SEL1L: variants seen among roughly 807,000 people sequenced by gnomAD.
The protein encoded by SEL1L is protein sel-1 homolog 1.
In SEL1L, 52 loss-of-function variants were observed where a neutral mutation model predicts 109.8. That is an observed-to-expected ratio of 0.47 (90% confidence interval 0.38 to 0.60). SEL1L has a LOEUF of 0.60. Among genes scored for constraint, SEL1L ranks in the 20% least tolerant of loss-of-function variants. The pLI, the probability that SEL1L is intolerant of heterozygous loss-of-function variation, is 0.00. For missense variants in SEL1L, 749 were observed against 962.2 expected, an observed-to-expected ratio of 0.78 and a Z score of 2.93; for synonymous variants, 373 against 339.6, an observed-to-expected ratio of 1.10 and a Z score of -1.08.
chr14:81,491,193 C>T (rs1360659829), intron 12 of SEL1L, among the ~76,000 whole-genome samples: 3 of 152,180 alleles, frequency 2.0e-5, no homozygotes, highest in Non-Finnish European at 4.4e-5. Context: ...TCTTTCTCCT[C>T]TACCACTACT....
chr14:81,495,998 G>A (rs1051893209), intron 10 of SEL1L, among the ~76,000 whole-genome samples: 2 of 152,024 alleles, frequency 1.3e-5, no homozygotes, highest in East Asian at 3.9e-4. Context: ...TGCTAAAGTG[G>A]AAGTGAAATA....
chr14:81,477,250 T>C (rs1903191721), intron 20 of SEL1L, 69 bp from the exon 21 acceptor site: 3 of 1,239,818 alleles, frequency 2.4e-6, no homozygotes, highest in East Asian at 4.9e-5. Flanking sequence ...GAAAGTTACA[T>C]CACCAGAAGT....
At chr14:81,496,619 T>G (rs916807285) in intron 10 of SEL1L, among the ~76,000 whole-genome samples, 1 of 151,994 alleles carries the variant, frequency 6.6e-6, no homozygotes, top group African/African-American at 2.4e-5. Flanking sequence ...CATGCCTGCA[T>G]TCCCAGCTAC....
intron 3 of SEL1L, among the ~76,000 whole-genome samples, chr14:81,516,322 G>A (rs556524622): frequency 3.9e-5 from 6 of 152,166 alleles, no homozygotes; most frequent in Non-Finnish European, 4.4e-5. Context: ...CTCAAGGACC[G>A]TTACCAACCG....
At position 81,477,095 on chromosome 14, in the gene SEL1L, C is replaced by A. The variant is rs1358844975; in HGVS notation, c.2262G>T (p.Leu754=). The A allele has an allele frequency of 1.4e-5, 23 of 1,614,068 alleles. No individual in the cohort carries two copies. The highest frequency in any genetic ancestry group is 2.7e-5 in the African/African-American group (2 of 74,920). The stretch of plus-strand genomic sequence containing the variant: ...GCCTGTAAGCTATGACTGTTCCCAA[C>A]AGCAGCGCAATGATGGTCATGAGGT... The part of the protein sequence containing the change: ...DLYLMTIIAL[L]LGTVIAYRQR... The change falls in exon 21 of 21, where the codon CTG becomes CTT. Residue 754 remains leucine, a synonymous_variant. Transcript: ENST00000336735.
In SEL1L at chr14:81,484,635, T is replaced by C. The variant is rs1183663517; in HGVS notation, c.1874-238A>G. ...AGAGAGGTAAAACCAAGTTGGTGTGTGTGTAGGGGGACAGGTTTAATATCC... is the reference window on the plus strand; with the variant it reads ...AGAGAGGTAAAACCAAGTTGGTGTGCGTGTAGGGGGACAGGTTTAATATCC... On this transcript the variant is annotated intron_variant, in intron 18 of 20. Coordinates refer to ENST00000336735, the MANE Select transcript of SEL1L (RefSeq NM_005065.6). The C allele has an allele frequency of 7.9e-6, 3 of 379,054 alleles. No homozygotes were observed. In the East Asian group the frequency reaches 1.2e-4, roughly 15 times the overall value. The allele number at this position is 379,054 out of a possible 1,614,324, so 23.5% of individuals were successfully genotyped here.
rs1327520490 is a variant in SEL1L at position 81,499,522 on chromosome 14, T to C, written c.832-4A>G. Reference sequence around the variant, plus strand: ...CAAATGTATAATATACAAGAGCCTGTGAAAGAACAAAACATGTTTAACTGA... The same window carrying C: ...CAAATGTATAATATACAAGAGCCTGCGAAAGAACAAAACATGTTTAACTGA... On this transcript the variant is annotated splice_region_variant and splice_polypyrimidine_tract_variant and intron_variant, in intron 7 of 20. Coordinates refer to ENST00000336735, the MANE Select transcript of SEL1L (RefSeq NM_005065.6). 2 of 1,610,928 alleles carry C rather than the reference T, an allele frequency of 1.2e-6. No individual in the cohort carries two copies. The highest frequency in any genetic ancestry group is 2.2e-5 in the South Asian group (2 of 90,152).
In SEL1L at chr14:81,476,733, C is replaced by G; in HGVS notation, c.*239G>C. ...TGTTTCCAGAAAAGAAAAAAAAAAG[C>G]CACTGAAAGTTGTTATTCCATATGG... On this transcript the variant is annotated 3_prime_UTR_variant, in exon 21 of 21. Coordinates refer to ENST00000336735, the MANE Select transcript of SEL1L (RefSeq NM_005065.6). 1 of 474,426 alleles carries G rather than the reference C, an allele frequency of 2.1e-6. No homozygotes were observed. Among genetic ancestry groups the G allele is most frequent in the South Asian group, 4.1e-5 (1 of 24,316 alleles). The allele number at this position is 474,426 out of a possible 1,614,324, so 29.4% of individuals were successfully genotyped here.
rs141279960 is a variant in SEL1L at position 81,495,454 on chromosome 14, C to T, written c.1129-317G>A. 3.4e-3 allele frequency among the ~76,000 whole-genome samples: 524 copies of T among 152,138 alleles called. 2 individuals are homozygous for T. The highest frequency in any genetic ancestry group is 6.8e-3 in the Middle Eastern group (2 of 294). On this transcript the variant is annotated intron_variant, in intron 10 of 20. Transcript: ENST00000336735. ...AGTTGAAGAACAACTTGGGCAACAT[C>T]GCAAAATCCTGTCTCCACAAAAAAA...
intron 3 of SEL1L, 37 bp downstream of exon 3, chr14:81,526,696 T>C (rs1356113743): frequency 6.5e-6 from 10 of 1,549,142 alleles, no homozygotes; most frequent in Non-Finnish European, 8.9e-6. Context: ...AGTTGTCCCC[T>C]AAATAAATCA....
rs548761598 is a variant in SEL1L, at chr14:81,523,503, C to T, written c.340+3230G>A. Among the ~76,000 whole-genome samples, 39 of 152,198 alleles carry T rather than the reference C, an allele frequency of 2.6e-4. 1 individual carries two copies. The South Asian group carries it at 7.5e-3, about 29-fold the overall frequency. The stretch of plus-strand genomic sequence containing the variant: ...TTTCGTCTCTATCCTTTGTAATATC[C>T]TTTATAATAAATGTAAATTTATATT... On this transcript the variant is annotated intron_variant, in intron 3 of 20. Coordinates refer to ENST00000336735, the MANE Select transcript of SEL1L (RefSeq NM_005065.6).
In SEL1L at chr14:81,502,866, T is replaced by TG; in HGVS notation, c.631dup (p.Gln211ProfsTer23). On this transcript the variant is annotated frameshift_variant, in exon 6 of 21. Coordinates refer to ENST00000336735, the MANE Select transcript of SEL1L (RefSeq NM_005065.6). LOFTEE classifies it high-confidence loss of function. ...GGTATGGTTCATGCTTGCTGCCTTT[T>TG]GGAGATACCGATATGCTCTTCAAAT... 1.2e-6 allele frequency: 2 copies of TG among 1,612,476 alleles called. No homozygotes were observed. Among genetic ancestry groups the TG allele is most frequent in the Non-Finnish European group, 1.7e-6 (2 of 1,179,220 alleles).
At chr14:81,499,379 A>C (rs1284693970) in intron 8 of SEL1L, 80 bp downstream of exon 8, 25 of 1,558,252 alleles carry the variant, frequency 1.6e-5, no homozygotes, top group Non-Finnish European at 2.0e-5. Context: ...GGATCATGAA[A>C]GCTGAAAAAG....
At chr14:81,504,421 C>T (rs1293458430) in intron 4 of SEL1L, 115 bp from the exon 5 acceptor site, 2 of 630,538 alleles carry the variant, frequency 3.2e-6, no homozygotes, top group Non-Finnish European at 4.9e-6. Context: ...TTTCACTATT[C>T]CCAAACATGA....
intron 13 of SEL1L, among the ~76,000 whole-genome samples, 166 bp downstream of exon 13, chr14:81,490,222 G>A (rs1003534568): frequency 1.8e-4 from 28 of 152,096 alleles, no homozygotes; most frequent in African/African-American, 5.8e-4. Context: ...GCCTTTTATC[G>A]GGAGGGCTTT....
At chr14:81,511,855 T>G (rs1451990397) in intron 3 of SEL1L, among the ~76,000 whole-genome samples, 3 of 152,198 alleles carry the variant, frequency 2.0e-5, no homozygotes, top group African/African-American at 7.2e-5. Flanking sequence ...TTTTTAAGGC[T>G]ATAAGGATGT....
Position 81,489,305 on chromosome 14 carries a change from C to G in SEL1L, c.1342G>C (p.Val448Leu), listed in dbSNP as rs767403581. ...GCCATTCCAAGCCCACTCTGTCCAA[C>G]TGGGTTGCCCTGCAAAGCAGAGAAA... ...FKKAADMGNP[V>L]GQSGLGMAYL... The change falls in exon 14 of 21, where the codon GTT becomes CTT. Residue 448 changes from valine (V) to leucine (L), a missense_variant. Transcript: ENST00000336735. 4 of 1,614,066 alleles carry G rather than the reference C, an allele frequency of 2.5e-6. No individual in the cohort carries two copies. Among genetic ancestry groups the G allele is most frequent in the Middle Eastern group, 1.6e-4 (1 of 6,062 alleles).
chr14:81,483,555 C>T (rs185252418), intron 19 of SEL1L, among the ~76,000 whole-genome samples: 1 of 152,122 alleles, frequency 6.6e-6, no homozygotes, highest in Admixed American at 6.5e-5. Flanking sequence ...AGGAAAAGAC[C>T]TAGCTTTCAA....
At chr14:81,531,642 C>T (rs1885326927) in intron 1 of SEL1L, among the ~76,000 whole-genome samples, 2 of 152,084 alleles carry the variant, frequency 1.3e-5, no homozygotes, top group African/African-American at 4.8e-5. Context: ...CAGCCTCAAC[C>T]TCCTGGGGCT....
Sources: gnomAD v4.1 joint callset for allele counts (sites outside exome capture counted in the v4.1 genomes callset) on GRCh38, gnomAD v4.1.1 for gene constraint, MANE v1.5 for transcripts, NCBI Gene and HGNC (gene_info 2026-07-23, HGNC 2026-07-21) for gene names.